The following NOXA1 variants were observed in gnomAD, a reference collection of about 807,000 sequenced individuals.
The protein encoded by NOXA1 is NCF2-like protein.
Under a neutral mutation model 64.8 loss-of-function variants are expected in NOXA1, and 56 were observed. The ratio of observed to expected loss-of-function variants is 0.86; its 90% CI spans 0.70 to 1.08. The LOEUF (loss-of-function observed/expected upper bound fraction) is 1.08. Among genes scored for constraint, NOXA1 ranks in the 50% least tolerant of loss-of-function variants. The pLI is 0.00. For synonymous variants in NOXA1, 295 were observed against 294.8 expected, an observed-to-expected ratio of 1.00 and a Z score of -0.01; for missense variants, 668 against 658.5, an observed-to-expected ratio of 1.01 and a Z score of -0.16.
Position 137,431,441 on chromosome 9 carries a change from A to C in NOXA1, c.804+100A>C. On this transcript the variant is annotated intron_variant, in intron 8 of 13. Transcript: ENST00000683555. This position sits in a 1 kb window ranked among gnomAD's most constrained non-coding sequence, Gnocchi z 5.6. Reference sequence around the variant, plus strand: ...GGACCAACATGAGGGTGGAGGGAGCAGCTCGCTGGGGGGTAGACGGGGCCG... The same window carrying C: ...GGACCAACATGAGGGTGGAGGGAGCCGCTCGCTGGGGGGTAGACGGGGCCG... 9.9e-7 allele frequency: 1 copy of C among 1,008,148 alleles called. No homozygotes were observed. The highest frequency in any genetic ancestry group is 1.5e-6 in the Non-Finnish European group (1 of 668,004). The allele number at this position is 1,008,148 out of a possible 1,614,324, so 62.5% of individuals were successfully genotyped here. A position where few individuals can be genotyped will look rare whatever the true frequency, so the allele number is the denominator to read the frequency against.
At position 137,433,810 on chromosome 9, in the gene NOXA1, G is replaced by C. The variant is rs1839232841; in HGVS notation, c.1125G>C (p.Gln375His). The part of the protein sequence containing the change: ...WVPIPEEESL[Q>H]RAWQDAAACP... ...CCATCCCCGAGGAGGAGTCGCTGCA[G>C]AGGGCCTGGCAGGACGCAGCTGCCT... is the stretch of plus-strand genomic sequence containing the variant. Residue 375 changes from glutamine (Q) to histidine (H), a missense_variant, in exon 12 of 14, where the codon CAG becomes CAC. Physicochemically the swap from Gln to His is conservative, Grantham distance 24. Transcript: ENST00000683555. The C allele has an allele frequency of 6.9e-7, 1 of 1,453,436 alleles. No individual in the cohort carries two copies. The highest frequency in any genetic ancestry group is 1.5e-5 in the South Asian group (1 of 68,480). 90.0% of individuals were successfully genotyped at this position (1,453,436 alleles called of 1,614,324 possible). A position where few individuals can be genotyped will look rare whatever the true frequency, so the allele number is the denominator to read the frequency against.
In NOXA1 at chr9:137,430,759, C is replaced by A. The variant is rs117024443; in HGVS notation, c.613-25C>A. On this transcript the variant is annotated intron_variant, in intron 5 of 13. Coordinates refer to ENST00000683555, the MANE Select transcript of NOXA1 (RefSeq NM_001256067.2). ...CCCTGCTGGGCCGCTGATCCCTGACCCAGCGTCCCCACTGTCCCCGCCAGG... is the reference window on the plus strand; with the variant it reads ...CCCTGCTGGGCCGCTGATCCCTGACACAGCGTCCCCACTGTCCCCGCCAGG... The A allele has an allele frequency of 2.7e-5, 42 of 1,583,898 alleles. No homozygotes were observed. The South Asian group carries it at 4.5e-4, about 17-fold the overall frequency.
At chr9:137,427,280 C>T (rs1489731131) in intron 2 of NOXA1, among the ~76,000 whole-genome samples, 1 of 152,162 alleles carries the variant, frequency 6.6e-6, no homozygotes, top group African/African-American at 2.4e-5. Context: ...GGAGCTAGGT[C>T]AGAAGGGGTA....
chr9:137,433,446 G>A lies in NOXA1; in HGVS notation c.910-7G>A, dbSNP rs768042225. The A allele has an allele frequency of 5.0e-6, 8 of 1,595,120 alleles. No individual in the cohort carries two copies. The highest frequency in any genetic ancestry group is 6.8e-6 in the Non-Finnish European group (8 of 1,173,948). On this transcript the variant is annotated splice_polypyrimidine_tract_variant and splice_region_variant and intron_variant, in intron 10 of 13. Transcript: ENST00000683555. ...CGACCACCCCTCCCCCTCCTGCCTG[G>A]ACCCAGGGAGCAGGTGCAGGGGGCT...
chr9:137,423,534 C>G lies in NOXA1; in HGVS notation c.5C>G (p.Ala2Gly). 1.4e-6 allele frequency: 2 copies of G among 1,404,070 alleles called. No homozygotes were observed. The highest frequency in any genetic ancestry group is 1.9e-6 in the Non-Finnish European group (2 of 1,077,794). The allele number at this position is 1,404,070 out of a possible 1,614,324, so 87.0% of individuals were successfully genotyped here. A position where few individuals can be genotyped will look rare whatever the true frequency, so the allele number is the denominator to read the frequency against. ...CGAGCGCCGCCACCGGCCGCCATGG[C>G]CTCTCTGGGGGACCTGGTGCGCGCC... M[A>G]SLGDLVRAWH... Residue 2 changes from alanine (A) to glycine (G), a missense_variant, in exon 1 of 14, where the codon GCC becomes GGC. Ala to Gly is a moderately conservative substitution (Grantham distance 60). Coordinates refer to ENST00000683555, the MANE Select transcript of NOXA1 (RefSeq NM_001256067.2).
rs369880440 is a variant in NOXA1 at position 137,434,297 on chromosome 9, C to T, written c.1368C>T (p.Ala456=). 25 of 1,610,586 alleles carry T rather than the reference C, an allele frequency of 1.6e-5. No homozygotes were observed. Among genetic ancestry groups the T allele is most frequent in the Admixed American group, 8.3e-5 (5 of 59,944 alleles). ...TCCCCAAGTGCTTCGTGGTCCCCGC[C>T]GGCCCTCGGATGTCAGGAGCCCCCG... ...GIFPKCFVVP[A]GPRMSGAPGR... Residue 456 remains alanine, a synonymous_variant, in exon 14 of 14, where the codon GCC becomes GCT. Coordinates refer to ENST00000683555, the MANE Select transcript of NOXA1 (RefSeq NM_001256067.2).
chr9:137,429,809 C>CA (rs1554746399), intron 5 of NOXA1, among the ~76,000 whole-genome samples: 1 of 97,708 alleles, frequency 1.0e-5, no homozygotes, highest in Non-Finnish European at 1.9e-5. Context: ...AGCGAGGTCC[C>CA]GGGGGGGTCC....
intron 1 of NOXA1, 112 bp downstream of exon 1, chr9:137,423,818 A>G (rs1257076447): frequency 1.4e-5 from 13 of 919,744 alleles, no homozygotes; most frequent in Middle Eastern, 4.1e-4. Context: ...CCCCCGACCC[A>G]GCGAACGCCC....
At chr9:137,429,811 G>GGGGAC (rs1839012600) in intron 5 of NOXA1, among the ~76,000 whole-genome samples, 2 of 126,630 alleles carry the variant, frequency 1.6e-5, no homozygotes, top group Non-Finnish European at 1.7e-5. Context: ...CGAGGTCCCG[G>GGGGAC]GGGGGTCCCT....
In NOXA1 at chr9:137,431,960, C is replaced by T. The variant is rs578242467; in HGVS notation, c.804+619C>T. 2.0e-4 allele frequency among the ~76,000 whole-genome samples: 30 copies of T among 152,296 alleles called. No individual in the cohort carries two copies. Among genetic ancestry groups the T allele is most frequent in the Non-Finnish European group, 4.1e-4 (28 of 68,016 alleles). On this transcript the variant is annotated intron_variant, in intron 8 of 13. Transcript: ENST00000683555. This position sits in a 1 kb window ranked among gnomAD's most constrained non-coding sequence, Gnocchi z 5.6. ...CCGGCACTCTCTCTTTATGGATGCC[C>T]ACTTCCAGTTTAACCGTGGCATCCC...
In NOXA1 at chr9:137,431,584, C is replaced by T. The variant is rs529797059; in HGVS notation, c.804+243C>T. ...AGGTGGTGTCCAGTGGAGACATCCA[C>T]GTAGCCCTGCAGGCCCTCAGCCCCC... is the stretch of plus-strand genomic sequence containing the variant. On this transcript the variant is annotated intron_variant, in intron 8 of 13. Transcript: ENST00000683555. This position sits in a 1 kb window ranked among gnomAD's most constrained non-coding sequence, Gnocchi z 5.6. Among the ~76,000 whole-genome samples the T allele has an allele frequency of 3.9e-5, 6 of 152,318 alleles. No individual in the cohort carries two copies. The highest frequency in any genetic ancestry group is 3.9e-4 in the East Asian group (2 of 5,186).
chr9:137,429,227 G>T (rs1182779403), intron 4 of NOXA1, 49 bp from the exon 5 acceptor site: 2 of 1,412,268 alleles, frequency 1.4e-6, no homozygotes, highest in African/African-American at 1.4e-5. Flanking sequence ...GCGGCTGCAG[G>T]CCTGGTTGGT....
rs1323958227 is a variant in NOXA1, at chr9:137,426,259, A to C, written c.189A>C (p.Gln63His). ...ATTTTTGTCCCCAGGCATTTGACCAAGCCGTGACCAAGGACACCTGCATGG... is the reference window on the plus strand; with the variant it reads ...ATTTTTGTCCCCAGGCATTTGACCACGCCGTGACCAAGGACACCTGCATGG... ...DPEAALRAFD[Q>H]AVTKDTCMAV... The change falls in exon 2 of 14, where the codon CAA becomes CAC. Residue 63 changes from glutamine (Q) to histidine (H), a missense_variant. By Grantham distance (24) the Gln-to-His change is conservative (BLOSUM62 0). Coordinates refer to ENST00000683555, the MANE Select transcript of NOXA1 (RefSeq NM_001256067.2). The C allele has an allele frequency of 1.9e-6, 3 of 1,613,660 alleles. No individual in the cohort carries two copies. Among genetic ancestry groups the C allele is most frequent in the Non-Finnish European group, 1.7e-6 (2 of 1,179,982 alleles).
intron 1 of NOXA1, 51 bp downstream of exon 1, chr9:137,423,757 C>T: frequency 1.7e-6 from 2 of 1,211,368 alleles, no homozygotes; most frequent in South Asian, 6.9e-5. Flanking sequence ...GCCTCGAGCC[C>T]CTGGGGAGGG....
In NOXA1 at chr9:137,429,360, G is replaced by C; in HGVS notation, c.589G>C (p.Val197Leu). 6 of 1,582,352 alleles carry C rather than the reference G, an allele frequency of 3.8e-6. No individual in the cohort carries two copies. Among genetic ancestry groups the C allele is most frequent in the Non-Finnish European group, 3.4e-6 (4 of 1,165,226 alleles). The change falls in exon 5 of 14, where the codon GTG (valine) becomes CTG (leucine). Residue 197 changes from valine (V) to leucine (L), a missense_variant. By Grantham distance (32) the Val-to-Leu change is conservative (BLOSUM62 1). Coordinates refer to ENST00000683555, the MANE Select transcript of NOXA1 (RefSeq NM_001256067.2). ...HRWHLKHLEP[V>L]DFLGKAKVVA... ...GTGGCACCTGAAGCACTTGGAGCCC[G>C]TGGATTTCCTGGGCAAGGCCAAGGT...
rs1296713097 is a variant in NOXA1 at position 137,431,030 on chromosome 9, C to A, written c.673-45C>A. 2 of 1,612,616 alleles carry A rather than the reference C, an allele frequency of 1.2e-6. No homozygotes were observed. The highest frequency in any genetic ancestry group is 1.1e-5 in the South Asian group (1 of 91,014). On this transcript the variant is annotated intron_variant, in intron 6 of 13. Transcript: ENST00000683555. The surrounding 1 kb of genome is among the most constrained non-coding windows in gnomAD (Gnocchi z 5.6). ...CAAGGTTCAGGAGGAGGGAGGGCGG[C>A]CCCCGACCCTTAACCAGAGCGAGGT...
chr9:137,431,020 GGGAGGGCGGCCCCCGACCCTTAA>G lies in NOXA1; in HGVS notation c.673-54_673-32del, dbSNP rs1839085226. 6.2e-7 allele frequency: 1 copy of G among 1,612,514 alleles called. No individual in the cohort carries two copies. The highest frequency in any genetic ancestry group is 8.5e-7 in the Non-Finnish European group (1 of 1,179,598). On this transcript the variant is annotated intron_variant, in intron 6 of 13. Transcript: ENST00000683555. The surrounding 1 kb of genome is among the most constrained non-coding windows in gnomAD (Gnocchi z 5.6). Reference sequence around the variant, plus strand: ...AACCACTCTTCAAGGTTCAGGAGGAGGGAGGGCGGCCCCCGACCCTTAACCAGAGCGAGGTTGTTGCTTTGTGT... The same window carrying G: ...AACCACTCTTCAAGGTTCAGGAGGAGCCAGAGCGAGGTTGTTGCTTTGTGT...
At chr9:137,433,133 G>A in intron 9 of NOXA1, 59 bp downstream of exon 9, 2 of 1,610,318 alleles carry the variant, frequency 1.2e-6, no homozygotes, top group Middle Eastern at 1.7e-4. Context: ...TGGTGCATGG[G>A]TGCCGGCTGC....
At position 137,434,082 on chromosome 9, in the gene NOXA1, A is replaced by G. The variant is rs1319546273; in HGVS notation, c.1294+3A>G. 6.3e-7 allele frequency: 1 copy of G among 1,584,040 alleles called. No individual in the cohort carries two copies. The highest frequency in any genetic ancestry group is 8.6e-7 in the Non-Finnish European group (1 of 1,169,534). On this transcript the variant is annotated splice_donor_region_variant and intron_variant, in intron 13 of 13. Coordinates refer to ENST00000683555, the MANE Select transcript of NOXA1 (RefSeq NM_001256067.2). ...CACGGTGGACGTCCTGTGTGAAGGT[A>G]GGGTGGGCATGGCCCTTCCCAGGCA... is the stretch of plus-strand genomic sequence containing the variant.
Sources: allele counts gnomAD v4.1 joint callset (sites outside exome capture counted in the v4.1 genomes callset), GRCh38; gene constraint gnomAD v4.1.1; non-coding constraint Gnocchi (gnomAD v3.1); transcripts MANE v1.5; gene names NCBI Gene and HGNC (gene_info 2026-07-23, HGNC 2026-07-21).